Variants in CBL observed in about 807,000 individuals in gnomAD.
CBL encodes the protein Cbl proto-oncogene.
Under a neutral mutation model 96.9 loss-of-function variants are expected in CBL, and 45 were observed. The observed-to-expected ratio is 0.46, with a 90% CI of 0.37 to 0.60. The LOEUF is 0.60. Among genes scored for constraint, CBL ranks in the 20% least tolerant of loss-of-function variants. The probability of loss-of-function intolerance (pLI) is 0.00; values close to 1 mark genes in which losing one functional copy is unlikely to be tolerated. For synonymous variants in CBL, 420 were observed against 426.8 expected (o/e 0.98, Z 0.20); for missense variants, 1,024 against 1,143.5 (o/e 0.90, Z 1.51).
chr11:119,263,751 C>T (rs1230600357), intron 2 of CBL, among the ~76,000 whole-genome samples: 7 of 152,062 alleles, frequency 4.6e-5, no homozygotes, highest in Non-Finnish European at 1.0e-4. Flanking sequence ...GAAAACAGTT[C>T]CGTTGTATCT....
chr11:119,287,312 C>G (rs867400200), intron 11 of CBL, among the ~76,000 whole-genome samples: 4 of 152,190 alleles, frequency 2.6e-5, no homozygotes, highest in East Asian at 1.9e-4. Flanking sequence ...CTGACTGTTG[C>G]ATTTGAAATG....
intron 12 of CBL, among the ~76,000 whole-genome samples, chr11:119,289,153 C>A (rs943109906): frequency 3.3e-5 from 5 of 152,078 alleles, no homozygotes; most frequent in Non-Finnish European, 7.3e-5. Context: ...GTGTATTTTG[C>A]AGTTTTTGGG....
At chr11:119,285,876 A>G (rs1052546744) in intron 11 of CBL, among the ~76,000 whole-genome samples, 2 of 152,154 alleles carry the variant, frequency 1.3e-5, no homozygotes, top group Non-Finnish European at 2.9e-5. Context: ...AGCCTAGGCA[A>G]TAGAGTAAGA....
intron 9 of CBL, among the ~76,000 whole-genome samples, chr11:119,282,348 A>G (rs1291921929): frequency 2.0e-5 from 3 of 152,104 alleles, no homozygotes; most frequent in Non-Finnish European, 1.5e-5. Context: ...CAAAAAAAAA[A>G]AAAAAGACTA....
At chr11:119,268,844 C>G (rs1198143611) in intron 2 of CBL, among the ~76,000 whole-genome samples, 1 of 152,210 alleles carries the variant, frequency 6.6e-6, no homozygotes, top group Non-Finnish European at 1.5e-5. Context: ...AGAAAGAGCT[C>G]TGGTATAACC....
rs1299770573 is a variant in CBL, at chr11:119,300,876, A to G, written c.*1095A>G. The G allele has an allele frequency of 1.0e-5, 3 of 290,890 alleles. No homozygotes were observed. Among genetic ancestry groups the G allele is most frequent in the Non-Finnish European group, 1.9e-5 (3 of 156,914 alleles). 18.0% of individuals were successfully genotyped at this position (290,890 alleles called of 1,614,324 possible). A position where few individuals can be genotyped will look rare whatever the true frequency, so the allele number is the denominator to read the frequency against. ...AGGAAGCTTCGTTCACATGCTATTT[A>G]AATGCACAAAATAGACAGTAAGGAT... On this transcript the variant is annotated 3_prime_UTR_variant, in exon 16 of 16. Transcript: ENST00000264033.
intron 1 of CBL, among the ~76,000 whole-genome samples, chr11:119,231,978 C>G (rs551165732): frequency 6.6e-6 from 1 of 151,242 alleles, no homozygotes; most frequent in Non-Finnish European, 1.5e-5. Flanking sequence ...TATGCATGGC[C>G]GTAGTCCCAG....
At position 119,305,888 on chromosome 11, in the gene CBL, C is replaced by T. The variant is rs888105835; in HGVS notation, c.*6107C>T. ...TAAAAGTTTTTTAAACTACTAGAGT[C>T]ATTTGATACACACAGAAGTTACCTA... On this transcript the variant is annotated 3_prime_UTR_variant, in exon 16 of 16. Coordinates refer to ENST00000264033, the MANE Select transcript of CBL (RefSeq NM_005188.4). 4.1e-6 allele frequency: 1 copy of T among 244,944 alleles called. No homozygotes were observed. The highest frequency in any genetic ancestry group is 5.9e-5 in the East Asian group (1 of 16,822). The allele number at this position is 244,944 out of a possible 1,614,324, so 15.2% of individuals were successfully genotyped here.
At chr11:119,279,516 A>G (rs1243605674) in intron 9 of CBL, among the ~76,000 whole-genome samples, 3 of 150,502 alleles carry the variant, frequency 2.0e-5, no homozygotes, top group Non-Finnish European at 4.4e-5. Context: ...GCTGGGCATG[A>G]TGGTGTACGC....
chr11:119,286,004 C>A (rs1462642960), intron 11 of CBL, among the ~76,000 whole-genome samples: 2 of 150,720 alleles, frequency 1.3e-5, no homozygotes, highest in Non-Finnish European at 3.0e-5. Context: ...TAATTCCTAC[C>A]CTCAAGAAAT....
intron 1 of CBL, among the ~76,000 whole-genome samples, chr11:119,229,730 TG>T (rs1171091429): frequency 4.3e-5 from 6 of 138,164 alleles, no homozygotes; most frequent in Admixed American, 7.0e-5. Flanking sequence ...AGTTGTGTTT[TG>T]TTTTTTTTTT....
In CBL at chr11:119,301,836, T is replaced by G; in HGVS notation, c.*2055T>G. Reference sequence around the variant, plus strand: ...TCTAACAGCCAGTACACACACTGTTTCATTTTGAGGTAACGTTCAGTTTTG... The same window carrying G: ...TCTAACAGCCAGTACACACACTGTTGCATTTTGAGGTAACGTTCAGTTTTG... On this transcript the variant is annotated 3_prime_UTR_variant, in exon 16 of 16. Coordinates refer to ENST00000264033, the MANE Select transcript of CBL (RefSeq NM_005188.4). The G allele has an allele frequency of 4.3e-6, 1 of 233,282 alleles. No individual in the cohort carries two copies. The highest frequency in any genetic ancestry group is 8.5e-6 in the Non-Finnish European group (1 of 118,052). 14.5% of individuals were successfully genotyped at this position (233,282 alleles called of 1,614,324 possible).
chr11:119,214,994 A>G (rs749348389), intron 1 of CBL, among the ~76,000 whole-genome samples: 5 of 151,432 alleles, frequency 3.3e-5, no homozygotes, highest in Non-Finnish European at 5.9e-5. Context: ...ATTGTAAAAC[A>G]TGATTTGTGT....
chr11:119,216,465 G>A (rs1592369549), intron 1 of CBL, among the ~76,000 whole-genome samples: 1 of 151,788 alleles, frequency 6.6e-6, no homozygotes, highest in Admixed American at 6.6e-5. Flanking sequence ...TCCGCCTCCC[G>A]GGTTCAAGCG....
intron 11 of CBL, among the ~76,000 whole-genome samples, chr11:119,286,844 T>C (rs1343713297): frequency 6.6e-6 from 1 of 152,150 alleles, no homozygotes; most frequent in Non-Finnish European, 1.5e-5. Flanking sequence ...TATATTCTAA[T>C]GGGAGGAAGA....
chr11:119,277,187 C>T (rs1949895162), intron 6 of CBL, among the ~76,000 whole-genome samples: 1 of 151,068 alleles, frequency 6.6e-6, no homozygotes, highest in South Asian at 2.1e-4. Flanking sequence ...GCGGAGGTTT[C>T]AGTGAGCCAA....
At chr11:119,274,667 A>G (rs1401625795) in intron 4 of CBL, among the ~76,000 whole-genome samples, 165 bp from the exon 5 acceptor site, 1 of 151,860 alleles carries the variant, frequency 6.6e-6, no homozygotes, top group Non-Finnish European at 1.5e-5. Context: ...AGCTTTTCAG[A>G]GTTTTTAATC....
chr11:119,206,661 G>C (rs1949271816), intron 1 of CBL, 49 bp downstream of exon 1: 1 of 1,522,666 alleles, frequency 6.6e-7, no homozygotes, highest in Non-Finnish European at 8.8e-7. Context: ...CGTGGGCGGA[G>C]GGCCGCGGGG....
rs1245069670 is a variant in CBL, at chr11:119,278,492, C to T, written c.1228-18C>T. 1 of 1,607,788 alleles carries T rather than the reference C, an allele frequency of 6.2e-7. No homozygotes were observed. Among genetic ancestry groups the T allele is most frequent in the African/African-American group, 1.3e-5 (1 of 74,680 alleles). ...TATTTTCAGATGCATCTGTTACTAT[C>T]TTTTGCTTCTTCTGCAGGAATCAGA... is the stretch of plus-strand genomic sequence containing the variant. On this transcript the variant is annotated intron_variant, in intron 8 of 15. Coordinates refer to ENST00000264033, the MANE Select transcript of CBL (RefSeq NM_005188.4).
Sources: allele counts gnomAD v4.1 joint callset (sites outside exome capture counted in the v4.1 genomes callset), GRCh38; gene constraint gnomAD v4.1.1; transcripts MANE v1.5; gene names NCBI Gene and HGNC (gene_info 2026-07-23, HGNC 2026-07-21).